The following RPS6KC1 variants were observed in gnomAD, a reference collection of about 807,000 sequenced individuals.
RPS6KC1 encodes inactive ribosomal protein S6 kinase delta-1.
A neutral mutation model predicts 103.8 loss-of-function variants in RPS6KC1; 54 were observed. The ratio of observed to expected loss-of-function variants is 0.52; its 90% confidence interval spans 0.42 to 0.65. The LOEUF (loss-of-function observed/expected upper bound fraction) is 0.65. RPS6KC1 is among the 30% of genes least tolerant of loss of function. The probability of loss-of-function intolerance (pLI) is 0.00; values close to 1 mark genes in which losing one functional copy is unlikely to be tolerated. For synonymous variants in RPS6KC1, 439 were observed against 438.7 expected (o/e 1.00, Z -0.01); for missense variants, 1,151 against 1,253.8 (o/e 0.92, Z 1.24).
chr1:213,242,959 T>G (rs10494957), intron 12 of RPS6KC1, among the ~76,000 whole-genome samples: 6,683 of 152,240 alleles, frequency 0.044, 237 homozygotes, highest in African/African-American at 0.094. Context: ...TACAAGGACC[T>G]TTAAATACCC....
At chr1:213,545,428 AATAAAAGAG>A in the RPS6KC1 span, among the ~76,000 whole-genome samples, 1 of 26,536 alleles carries the variant, frequency 3.8e-5, no homozygotes, top group African/African-American at 7.9e-5. Flanking sequence ...AATAAAATAA[AATAAAAGAG>A]AGAGAGAGAG....
chr1:213,399,615 T>G, the RPS6KC1 span, among the ~76,000 whole-genome samples: 4 of 152,194 alleles, frequency 2.6e-5, no homozygotes, highest in Non-Finnish European at 5.9e-5. Flanking sequence ...GACCTCGAAC[T>G]GACAGCACAC....
chr1:213,386,249 C>A, the RPS6KC1 span, among the ~76,000 whole-genome samples: 458 of 152,318 alleles, frequency 3.0e-3, 1 homozygote, highest in African/African-American at 0.01. Context: ...TGAGTGGAAG[C>A]AGCCTGAGGC....
intron 12 of RPS6KC1, among the ~76,000 whole-genome samples, chr1:213,245,387 TCCCA>T (rs1483008170): frequency 6.6e-6 from 1 of 152,170 alleles, no homozygotes; most frequent in African/African-American, 2.4e-5. Context: ...CCCTCTTACT[TCCCA>T]AGTCTAACCT....
chr1:213,242,160 T>C lies in RPS6KC1; in HGVS notation c.2684T>C (p.Leu895Pro), dbSNP rs2094370605. The change falls in exon 11 of 15, where the codon CTA (leucine) becomes CCA (proline). Residue 895 changes from leucine to proline, a missense_variant. Physicochemically the swap from Leu to Pro is moderately conservative, Grantham distance 98. This residue lies in a region of RPS6KC1 where 189 missense variants were observed against 228.8 expected (regional missense o/e 0.83). Transcript: ENST00000366960. ...IFEDLDKKLA[L>P]ASRFYIPEGC... ...GAGGACCTTGATAAAAAATTAGCAC[T>C]AGCCTCCAGGTTTTACATCCCAGAG... The C allele has an allele frequency of 1.2e-6, 2 of 1,613,804 alleles. No individual in the cohort carries two copies. The highest frequency in any genetic ancestry group is 2.7e-5 in the African/African-American group (2 of 74,914).
intron 6 of RPS6KC1, among the ~76,000 whole-genome samples, chr1:213,145,496 A>T (rs1400865603): frequency 6.6e-6 from 1 of 152,118 alleles, no homozygotes; most frequent in Admixed American, 6.6e-5. Context: ...TCATTAGTGT[A>T]TGCTGTGGGG....
the RPS6KC1 span, among the ~76,000 whole-genome samples, chr1:213,317,835 A>G: frequency 6.6e-6 from 1 of 152,362 alleles, no homozygotes; most frequent in African/African-American, 2.4e-5. Flanking sequence ...GCTGGGGTCC[A>G]GGAACATATC....
chr1:213,265,933 T>TA (rs1306947058), intron 14 of RPS6KC1, among the ~76,000 whole-genome samples: 1 of 152,210 alleles, frequency 6.6e-6, no homozygotes, highest in Non-Finnish European at 1.5e-5. Context: ...TGTGTTATCT[T>TA]AAACAAGTTA....
At chr1:213,789,579 T>C in the RPS6KC1 span, among the ~76,000 whole-genome samples, 1 of 152,162 alleles carries the variant, frequency 6.6e-6, no homozygotes, top group African/African-American at 2.4e-5. Context: ...TAATCTTAGA[T>C]AAATTTGTTT....
the RPS6KC1 span, among the ~76,000 whole-genome samples, chr1:213,325,991 C>T: frequency 7.2e-5 from 11 of 152,278 alleles, no homozygotes; most frequent in South Asian, 2.3e-3. Flanking sequence ...GGGTTTCTCC[C>T]ACCCCTCAGC....
chr1:213,127,755 C>T (rs1295821063), intron 5 of RPS6KC1, among the ~76,000 whole-genome samples: 3 of 152,082 alleles, frequency 2.0e-5, no homozygotes, highest in South Asian at 2.1e-4. Context: ...TGACAGTTTC[C>T]CAATACTTAG....
chr1:213,701,067 T>C, the RPS6KC1 span, among the ~76,000 whole-genome samples: 1 of 152,072 alleles, frequency 6.6e-6, no homozygotes. Flanking sequence ...GTCTGATTAC[T>C]CTAGCTAGGA....
chr1:213,696,428 G>A, the RPS6KC1 span, among the ~76,000 whole-genome samples: 1 of 151,106 alleles, frequency 6.6e-6, no homozygotes, highest in Non-Finnish European at 1.5e-5. Context: ...CTTGAACCCG[G>A]GAGGCGGAGA....
At chr1:213,660,779 A>G in the RPS6KC1 span, among the ~76,000 whole-genome samples, 1 of 152,370 alleles carries the variant, frequency 6.6e-6, no homozygotes, top group African/African-American at 2.4e-5. Context: ...AGTTTTGCAG[A>G]AAAAGCACCA....
At chr1:213,140,268 A>G (rs1173516416) in intron 6 of RPS6KC1, among the ~76,000 whole-genome samples, 2 of 152,040 alleles carry the variant, frequency 1.3e-5, no homozygotes, top group Non-Finnish European at 2.9e-5. Context: ...TTTTCTAGGT[A>G]TAGTATCTTG....
the RPS6KC1 span, among the ~76,000 whole-genome samples, chr1:213,713,627 G>A: frequency 6.6e-6 from 1 of 152,168 alleles, no homozygotes; most frequent in African/African-American, 2.4e-5. Flanking sequence ...ATGTATGCAA[G>A]CCACCCAAAC....
At chr1:213,093,366 A>G (rs1264493337) in intron 3 of RPS6KC1, among the ~76,000 whole-genome samples, 3 of 151,948 alleles carry the variant, frequency 2.0e-5, no homozygotes, top group African/African-American at 7.3e-5. Flanking sequence ...GTCTGCCACC[A>G]TGCCCGGCTA....
chr1:213,129,816 A>G lies in RPS6KC1; in HGVS notation c.762A>G (p.Glu254=). ...TAATAAAGCTGGCTTTAAAAAAGGA[A>G]GAAGAAGACGACTATGAAGCTGCTT... ...GELIKLALKK[E]EEDDYEAASD... is the part of the protein sequence containing the mutation. Residue 254 remains glutamate (E), a synonymous_variant, in exon 6 of 15, where the codon GAA becomes GAG. Transcript: ENST00000366960. The G allele has an allele frequency of 6.2e-7, 1 of 1,613,502 alleles. No homozygotes were observed. The highest frequency in any genetic ancestry group is 8.5e-7 in the Non-Finnish European group (1 of 1,179,806).
chr1:213,621,829 G>A, the RPS6KC1 span, among the ~76,000 whole-genome samples: 1 of 152,172 alleles, frequency 6.6e-6, no homozygotes, highest in African/African-American at 2.4e-5. Context: ...ACCATACCCT[G>A]AAGTCGGTGC....
Sources: gnomAD v4.1 joint callset for allele counts (sites outside exome capture counted in the v4.1 genomes callset) on GRCh38, gnomAD v4.1.1 for gene constraint, gnomAD v4.1.1 regional missense constraint, MANE v1.5 for transcripts, NCBI Gene and HGNC (gene_info 2026-07-23, HGNC 2026-07-21) for gene names.